Variants in GPC5 observed in about 807,000 individuals in gnomAD.
The protein encoded by GPC5 is glypican 5.
GPC5 carries 47 observed loss-of-function variants against 53.9 expected under a neutral mutation model. That is an observed-to-expected ratio of 0.87 (90% CI 0.69 to 1.11). The LOEUF is 1.11. Ranked by LOEUF, GPC5 falls within the 50% of genes most tolerant of loss-of-function variation. The pLI, the probability that GPC5 is intolerant of heterozygous loss-of-function variation, is 0.00. For synonymous variants in GPC5, 286 were observed against 263.3 expected (o/e 1.09, Z -0.84); for missense variants, 748 against 713.1 (o/e 1.05, Z -0.56).
At chr13:92,591,430 GTC>G (rs1161760455) in intron 7 of GPC5, among the ~76,000 whole-genome samples, 1 of 152,116 alleles carries the variant, frequency 6.6e-6, no homozygotes, top group Non-Finnish European at 1.5e-5. Context: ...TGTGTTTACA[GTC>G]TCTGCCTGGT....
chr13:92,267,106 T>C (rs2042807667), intron 7 of GPC5, among the ~76,000 whole-genome samples: 1 of 152,102 alleles, frequency 6.6e-6, no homozygotes, highest in Admixed American at 6.5e-5. Flanking sequence ...TTTCTCGGAG[T>C]TCTAATAAGC....
At chr13:91,432,977 C>T (rs1879615538) in intron 1 of GPC5, among the ~76,000 whole-genome samples, 1 of 152,088 alleles carries the variant, frequency 6.6e-6, no homozygotes, top group East Asian at 1.9e-4. Flanking sequence ...AGGAGGCTAA[C>T]ACTTTAATGA....
intron 7 of GPC5, among the ~76,000 whole-genome samples, chr13:92,791,435 G>C (rs892677448): frequency 6.8e-6 from 1 of 148,116 alleles, no homozygotes; most frequent in African/African-American, 2.5e-5. Flanking sequence ...GGGGGGGGGC[G>C]GGGGAGTGGT....
At chr13:92,434,203 G>A (rs1877208829) in intron 7 of GPC5, among the ~76,000 whole-genome samples, 1 of 152,020 alleles carries the variant, frequency 6.6e-6, no homozygotes, top group Admixed American at 6.6e-5. Context: ...TATTCACAGT[G>A]GCCAACACCT....
At chr13:92,495,316 T>G (rs1480643953) in intron 7 of GPC5, among the ~76,000 whole-genome samples, 7 of 152,192 alleles carry the variant, frequency 4.6e-5, no homozygotes, top group African/African-American at 1.7e-4. Context: ...TGGAGGTAAA[T>G]CTCAGCTTTG....
chr13:91,938,454 C>A (rs1444226292), intron 6 of GPC5, among the ~76,000 whole-genome samples: 2 of 152,120 alleles, frequency 1.3e-5, no homozygotes, highest in Non-Finnish European at 2.9e-5. Context: ...CCGGCCCCAA[C>A]TCCAGCATTG....
At chr13:91,608,699 G>A (rs1320052798) in intron 2 of GPC5, among the ~76,000 whole-genome samples, 1 of 152,038 alleles carries the variant, frequency 6.6e-6, no homozygotes, top group Non-Finnish European at 1.5e-5. Context: ...TTTGTGGGGT[G>A]AGCCAAGAGA....
chr13:92,732,848 C>A (rs1284713266), intron 7 of GPC5, among the ~76,000 whole-genome samples: 1 of 151,572 alleles, frequency 6.6e-6, no homozygotes, highest in Non-Finnish European at 1.5e-5. Context: ...AAGCTGTCTG[C>A]CTCACTTAAA....
At chr13:92,391,114 G>C (rs1874981415) in intron 7 of GPC5, among the ~76,000 whole-genome samples, 1 of 151,520 alleles carries the variant, frequency 6.6e-6, no homozygotes, top group Admixed American at 6.6e-5. Flanking sequence ...TGCTGTAGAG[G>C]CATCACAAAT....
chr13:92,127,632 C>T lies in GPC5; in HGVS notation c.1402-17198C>T, dbSNP rs112532495. ...AGATACAGGTCTGGAATAGCAGATA[C>T]ATCTAAGTAGGTTTCAGCTGTCTAA... On this transcript the variant is annotated intron_variant, in intron 6 of 7. Coordinates refer to ENST00000377067, the MANE Select transcript of GPC5 (RefSeq NM_004466.6). 1.7e-3 allele frequency among the ~76,000 whole-genome samples: 255 copies of T among 152,210 alleles called. 2 individuals are homozygous for T. The highest frequency in any genetic ancestry group is 5.8e-3 in the African/African-American group (240 of 41,550).
At chr13:91,806,828 G>C (rs1023964589) in intron 5 of GPC5, among the ~76,000 whole-genome samples, 1 of 152,082 alleles carries the variant, frequency 6.6e-6, no homozygotes, top group African/African-American at 2.4e-5. Flanking sequence ...AGCGAGAAAT[G>C]GGGAGGAGGA....
At chr13:91,594,965 C>T (rs80245999) in intron 2 of GPC5, among the ~76,000 whole-genome samples, 1 of 151,438 alleles carries the variant, frequency 6.6e-6, no homozygotes, top group Admixed American at 6.6e-5. Context: ...CCACCTTGCC[C>T]AGGCTTATTT....
At chr13:92,329,742 T>C (rs1450645599) in intron 7 of GPC5, among the ~76,000 whole-genome samples, 1 of 152,148 alleles carries the variant, frequency 6.6e-6, no homozygotes, top group African/African-American at 2.4e-5. Flanking sequence ...AGTTTTTCAA[T>C]GGCAAGAAAA....
At chr13:92,594,104 C>A (rs982628905) in intron 7 of GPC5, among the ~76,000 whole-genome samples, 2 of 152,084 alleles carry the variant, frequency 1.3e-5, no homozygotes, top group East Asian at 1.9e-4. Flanking sequence ...TAAAATGTAA[C>A]CCTATATCCA....
At position 92,335,776 on chromosome 13, in the gene GPC5, C is replaced by T. The variant is rs2043318082; in HGVS notation, c.1561+190787C>T. Among the ~76,000 whole-genome samples the T allele has an allele frequency of 1.3e-5, 2 of 152,174 alleles. 1 individual carries two copies. Among genetic ancestry groups the T allele is most frequent in the African/African-American group, 4.8e-5 (2 of 41,446 alleles). On this transcript the variant is annotated intron_variant, in intron 7 of 7. Coordinates refer to ENST00000377067, the MANE Select transcript of GPC5 (RefSeq NM_004466.6). ...GAGTGAACTTTCCTCCAGTTCCTAACAAGTTCCTCATCTCCATCTGAGACG... is the reference window on the plus strand; with the variant it reads ...GAGTGAACTTTCCTCCAGTTCCTAATAAGTTCCTCATCTCCATCTGAGACG...
At chr13:92,696,181 A>C (rs577975540) in intron 7 of GPC5, among the ~76,000 whole-genome samples, 1 of 152,196 alleles carries the variant, frequency 6.6e-6, no homozygotes, top group South Asian at 2.1e-4. Context: ...TCTTTACAGC[A>C]GCATGATTTA....
chr13:92,864,567 A>G (rs554602015), intron 7 of GPC5, among the ~76,000 whole-genome samples: 2 of 152,272 alleles, frequency 1.3e-5, no homozygotes, highest in South Asian at 4.1e-4. Flanking sequence ...TCTTAGAAAA[A>G]AAAAATATTT....
intron 7 of GPC5, among the ~76,000 whole-genome samples, chr13:92,514,205 A>G (rs530528262): frequency 3.9e-5 from 5 of 129,216 alleles, no homozygotes; most frequent in Non-Finnish European, 7.8e-5. Flanking sequence ...GTCTGCTCCA[A>G]TGTAAAACAC....
intron 7 of GPC5, among the ~76,000 whole-genome samples, chr13:92,418,087 T>G (rs1316319436): frequency 6.6e-6 from 1 of 152,168 alleles, no homozygotes; most frequent in Admixed American, 6.5e-5. Flanking sequence ...ATATACATTT[T>G]TAGAATTGGT....
Sources: allele counts gnomAD v4.1 joint callset (sites outside exome capture counted in the v4.1 genomes callset), GRCh38; gene constraint gnomAD v4.1.1; transcripts MANE v1.5; gene names NCBI Gene and HGNC (gene_info 2026-07-23, HGNC 2026-07-21).